Variants in ZNF860 observed in about 807,000 individuals in gnomAD.
ZNF860 encodes the protein zinc finger protein 860.
For synonymous variants in ZNF860, 206 were observed against 248.9 expected, an observed-to-expected ratio of 0.83 and a Z score of 1.62; for missense variants, 641 against 759.2, an observed-to-expected ratio of 0.84 and a Z score of 1.83.
At chr3:31,999,359 CTTT>C in the ZNF860 span, among the ~76,000 whole-genome samples, 10 of 125,830 alleles carry the variant, frequency 7.9e-5, no homozygotes, top group Admixed American at 8.2e-5. Flanking sequence ...ATATCAAAAT[CTTT>C]TTTTTTTTTT....
At chr3:31,987,339 C>T (rs1698948607) in intron 1 of ZNF860, among the ~76,000 whole-genome samples, 1 of 152,008 alleles carries the variant, frequency 6.6e-6, no homozygotes, top group African/African-American at 2.4e-5. Flanking sequence ...CTATATGCAC[C>T]CTAATTTAAT....
the ZNF860 span, among the ~76,000 whole-genome samples, chr3:31,997,953 C>A: frequency 6.6e-6 from 1 of 152,044 alleles, no homozygotes; most frequent in Admixed American, 6.6e-5. Flanking sequence ...CCGTGCCCAG[C>A]TAATTTTGTT....
At chr3:31,996,925 C>G in the ZNF860 span, among the ~76,000 whole-genome samples, 1 of 152,078 alleles carries the variant, frequency 6.6e-6, no homozygotes, top group Non-Finnish European at 1.5e-5. Flanking sequence ...AAGCTTCTAC[C>G]CTTCTTCCCA....
chr3:31,984,487 C>A (rs942113807), intron 1 of ZNF860, among the ~76,000 whole-genome samples: 4 of 151,988 alleles, frequency 2.6e-5, no homozygotes, highest in African/African-American at 9.7e-5. Context: ...GGCCACAGGA[C>A]CTGATGAGCC....
chr3:31,991,190 A>G lies in ZNF860; in HGVS notation c.*212A>G. The G allele has an allele frequency of 1.7e-6, 1 of 577,830 alleles. No homozygotes were observed. 35.8% of individuals were successfully genotyped at this position (577,830 alleles called of 1,614,324 possible). ...GCTGGGCAGGGTGGCTTATACCTGT[A>G]ATCCCAGCACTGTGGGAGGTCAAGA... On this transcript the variant is annotated 3_prime_UTR_variant, in exon 2 of 2. Coordinates refer to ENST00000360311, the MANE Select transcript of ZNF860 (RefSeq NM_001137674.3).
chr3:31,997,773 T>TTTTTG, the ZNF860 span, among the ~76,000 whole-genome samples: 7 of 151,818 alleles, frequency 4.6e-5, no homozygotes, highest in Admixed American at 6.6e-5. Flanking sequence ...AGCCTCAGTG[T>TTTTTG]TTTTGTTTTG....
downstream of ZNF860, among the ~76,000 whole-genome samples, chr3:31,996,516 G>T (rs1221537772): frequency 6.6e-6 from 1 of 151,994 alleles, no homozygotes; most frequent in Non-Finnish European, 1.5e-5. Context: ...AAGGGGGTTA[G>T]TGGACCTTAA....
rs755844281 is a variant in ZNF860 at position 31,989,684 on chromosome 3, A to G, written c.605A>G (p.His202Arg). The G allele has an allele frequency of 9.3e-6, 15 of 1,613,862 alleles. No individual in the cohort carries two copies. In the Middle Eastern group the frequency reaches 8.2e-4, roughly 88 times the overall value. The stretch of plus-strand genomic sequence containing the variant: ...AGAATTTCTTCTAGGCCCAAAATCC[A>G]TATTTCTAATAACTATGAAAATAAT... ...SQRISSRPKIHISNNYENNFF... is the reference protein window; with the variant it reads ...SQRISSRPKIRISNNYENNFF... Residue 202 changes from histidine (H) to arginine (R), a missense_variant, in exon 2 of 2, where the codon CAT becomes CGT. By Grantham distance (29) the His-to-Arg change is conservative (BLOSUM62 0). Transcript: ENST00000360311.
chr3:32,003,618 G>C, the ZNF860 span, among the ~76,000 whole-genome samples: 1 of 152,234 alleles, frequency 6.6e-6, no homozygotes, highest in South Asian at 2.1e-4. Context: ...GGAGGGAACA[G>C]ACTGCACAGT....
At chr3:31,985,943 C>G (rs1001716281) in intron 1 of ZNF860, among the ~76,000 whole-genome samples, 4 of 152,176 alleles carry the variant, frequency 2.6e-5, no homozygotes, top group Non-Finnish European at 5.9e-5. Flanking sequence ...GCAACATCCC[C>G]CAAATTCTGG....
At chr3:31,997,670 C>T in the ZNF860 span, among the ~76,000 whole-genome samples, 1 of 152,012 alleles carries the variant, frequency 6.6e-6, no homozygotes, top group Non-Finnish European at 1.5e-5. Context: ...AGTCTGCTTA[C>T]CACAAATTTC....
chr3:32,000,619 G>A, the ZNF860 span, among the ~76,000 whole-genome samples: 18 of 152,212 alleles, frequency 1.2e-4, no homozygotes, highest in Admixed American at 9.8e-4. Flanking sequence ...TTCTCAGCAC[G>A]GTTTGTCAGC....
At chr3:31,985,437 A>G (rs1210729166) in intron 1 of ZNF860, among the ~76,000 whole-genome samples, 1 of 152,200 alleles carries the variant, frequency 6.6e-6, no homozygotes, top group Admixed American at 6.5e-5. Context: ...CAATAAGATA[A>G]ACACATTATA....
rs1699028180 is a variant in ZNF860 at position 31,991,434 on chromosome 3, A to G, written c.*456A>G. The stretch of plus-strand genomic sequence containing the variant: ...TATAAGTTTTTAATCATTTTGATCA[A>G]TGTTTGTAGATTTCAAGGTACAAAC... On this transcript the variant is annotated 3_prime_UTR_variant, in exon 2 of 2. Coordinates refer to ENST00000360311, the MANE Select transcript of ZNF860 (RefSeq NM_001137674.3). 6.0e-6 allele frequency: 1 copy of G among 167,452 alleles called. No individual in the cohort carries two copies. 10.4% of individuals were successfully genotyped at this position (167,452 alleles called of 1,614,324 possible).
chr3:31,988,060 G>A lies in ZNF860; in HGVS notation c.-420-600G>A, dbSNP rs544672724. Among the ~76,000 whole-genome samples, 11 of 152,300 alleles carry A rather than the reference G, an allele frequency of 7.2e-5. No homozygotes were observed. In the South Asian group the frequency reaches 1.2e-3, roughly 17 times the overall value. On this transcript the variant is annotated intron_variant, in intron 1 of 1. Transcript: ENST00000360311. Reference sequence around the variant, plus strand: ...TTCCCAGGCCTTGAGACCTAATCACGGAAATTGCAACATTTGCCCAACTGG... The same window carrying A: ...TTCCCAGGCCTTGAGACCTAATCACAGAAATTGCAACATTTGCCCAACTGG...
chr3:31,989,460 T>G lies in ZNF860; in HGVS notation c.381T>G (p.Thr127=). ...ACAAAAGAAATAGCCATGAAGCAAC[T>G]ATGACACAAATCAAAAAGTTGACTG... ...QEDKRNSHEA[T]MTQIKKLTGS... The change falls in exon 2 of 2, where the codon ACT becomes ACG. Residue 127 remains threonine (T), a synonymous_variant. Transcript: ENST00000360311. The G allele has an allele frequency of 6.2e-7, 1 of 1,614,226 alleles. No homozygotes were observed.
At chr3:31,994,708 G>A (rs1337694566), downstream of ZNF860, among the ~76,000 whole-genome samples, 1 of 152,148 alleles carries the variant, frequency 6.6e-6, no homozygotes, top group East Asian at 1.9e-4. Context: ...AAAGTGTACT[G>A]CAAACACCAG....
chr3:31,997,467 G>A, the ZNF860 span, among the ~76,000 whole-genome samples: 1 of 151,812 alleles, frequency 6.6e-6, no homozygotes, highest in Non-Finnish European at 1.5e-5. Context: ...GTTTCACCAT[G>A]TTGGCCAGGA....
rs1418086507 is a variant in ZNF860 at position 31,989,957 on chromosome 3, A to T, written c.878A>T (p.Lys293Met). ...CCTTACAAGTGTAATGAATGTGGCA[A>T]GGTTTTTAATCAACAATCAAACCTT... ...EKPYKCNECGKVFNQQSNLAS... is the reference protein window; with the variant it reads ...EKPYKCNECGMVFNQQSNLAS... The change falls in exon 2 of 2, where the codon AAG becomes ATG. Residue 293 changes from lysine (K) to methionine (M), a missense_variant. Coordinates refer to ENST00000360311, the MANE Select transcript of ZNF860 (RefSeq NM_001137674.3). The T allele has an allele frequency of 6.2e-7, 1 of 1,614,184 alleles. No homozygotes were observed. The highest frequency in any genetic ancestry group is 8.5e-7 in the Non-Finnish European group (1 of 1,180,012).
Sources: gnomAD v4.1 joint callset for allele counts (sites outside exome capture counted in the v4.1 genomes callset) on GRCh38, gnomAD v4.1.1 for gene constraint, MANE v1.5 for transcripts, NCBI Gene and HGNC (gene_info 2026-07-23, HGNC 2026-07-21) for gene names.